The following ATP6V1B1 variants were observed in gnomAD, a reference collection of about 807,000 sequenced individuals.
The protein encoded by ATP6V1B1 is ATPase H+ transporting V1 subunit B1.
Under a neutral mutation model 62.1 loss-of-function variants are expected in ATP6V1B1, and 41 were observed. That is an observed-to-expected ratio of 0.66 (90% CI 0.51 to 0.86). The LOEUF (loss-of-function observed/expected upper bound fraction) is 0.86, where lower values mean the gene tolerates loss of function less well. Ranked by LOEUF, ATP6V1B1 falls within the 40% of genes least tolerant of loss-of-function variation. The probability of loss-of-function intolerance (pLI) is 0.00; values close to 1 mark genes in which losing one functional copy is unlikely to be tolerated. For synonymous variants in ATP6V1B1, 253 were observed against 273.4 expected (o/e 0.93, Z 0.74); for missense variants, 651 against 697.5 (o/e 0.93, Z 0.75).
intron 2 of ATP6V1B1, among the ~76,000 whole-genome samples, chr2:70,956,469 C>CA (rs1553419064): frequency 6.6e-6 from 1 of 152,178 alleles, no homozygotes; most frequent in African/African-American, 2.4e-5. Context: ...AGTTGATGGA[C>CA]ATTGAGTTAT....
intron 2 of ATP6V1B1, chr2:70,944,295 G>C: frequency 1.7e-6 from 2 of 1,161,288 alleles, no homozygotes; most frequent in Non-Finnish European, 2.3e-6. Flanking sequence ...CTGGGAAACT[G>C]GCAGACACTG....
In ATP6V1B1 at chr2:70,951,189, C is replaced by T. The variant is rs182776115; in HGVS notation, c.175-6857C>T. Reference sequence around the variant, plus strand: ...AACTTCTGACCTCAGGTGATCTGCCCGCCTCGGCCTCCCAAAGTGCAGGGA... The same window carrying T: ...AACTTCTGACCTCAGGTGATCTGCCTGCCTCGGCCTCCCAAAGTGCAGGGA... On this transcript the variant is annotated intron_variant, in intron 2 of 13. Coordinates refer to ENST00000234396, the MANE Select transcript of ATP6V1B1 (RefSeq NM_001692.4). 3.4e-3 allele frequency among the ~76,000 whole-genome samples: 510 copies of T among 152,058 alleles called. 4 individuals are homozygous for T. The highest frequency in any genetic ancestry group is 9.5e-3 in the East Asian group (49 of 5,174).
rs113512105 is a variant in ATP6V1B1 at position 70,950,761 on chromosome 2, G to A, written c.174+7048G>A. Among the ~76,000 whole-genome samples, 303 of 151,718 alleles carry A rather than the reference G, an allele frequency of 2.0e-3. 3 individuals are homozygous for A. Among genetic ancestry groups the A allele is most frequent in the African/African-American group, 6.8e-3 (283 of 41,348 alleles). ...TAAAGGGAATTATGTCTCTTTTTCCGTCAGTATACTTTTACTTTACTTTTT... is the reference window on the plus strand; with the variant it reads ...TAAAGGGAATTATGTCTCTTTTTCCATCAGTATACTTTTACTTTACTTTTT... On this transcript the variant is annotated intron_variant, in intron 2 of 13. Transcript: ENST00000234396.
chr2:70,939,075 G>A (rs1679923681), intron 1 of ATP6V1B1, among the ~76,000 whole-genome samples: 1 of 152,258 alleles, frequency 6.6e-6, no homozygotes, highest in African/African-American at 2.4e-5. Context: ...GGGACCTGCT[G>A]CCCCGGGCTT....
intron 7 of ATP6V1B1, 49 bp from the exon 8 acceptor site, chr2:70,961,547 C>G (rs1680587438): frequency 6.3e-7 from 1 of 1,581,122 alleles, no homozygotes. Flanking sequence ...CCAGGCCTTG[C>G]CCTCAGGCCA....
At chr2:70,950,613 G>A (rs1282757858) in intron 2 of ATP6V1B1, among the ~76,000 whole-genome samples, 1 of 151,966 alleles carries the variant, frequency 6.6e-6, no homozygotes, top group African/African-American at 2.4e-5. Context: ...GAAAAAAAAG[G>A]AGGGGGGGAA....
At chr2:70,944,240 T>C (rs1427266052) in intron 2 of ATP6V1B1, 1 of 1,288,454 alleles carries the variant, frequency 7.8e-7, no homozygotes, top group South Asian at 1.2e-5. Flanking sequence ...GTAAGTGAAG[T>C]GGGCCCCACC....
At chr2:70,936,178 A>G in intron 1 of ATP6V1B1, 106 bp downstream of exon 1, 1 of 1,116,112 alleles carries the variant, frequency 9.0e-7, no homozygotes, top group South Asian at 1.4e-5. Flanking sequence ...GGAGGACCCA[A>G]GACCTGGGGA....
rs1553419557 is a variant in ATP6V1B1 at position 70,959,042 on chromosome 2, AGCCC to A, written c.393_396del (p.Pro132LeufsTer31). 6.2e-7 allele frequency: 1 copy of A among 1,614,192 alleles called. No individual in the cohort carries two copies. Among genetic ancestry groups the A allele is most frequent in the Admixed American group, 1.7e-5 (1 of 60,030 alleles). On this transcript the variant is annotated frameshift_variant, in exon 5 of 14. Coordinates refer to ENST00000234396, the MANE Select transcript of ATP6V1B1 (RefSeq NM_001692.4). LOFTEE classifies it high-confidence loss of function. The surrounding 1 kb of genome is among the most constrained non-coding windows in gnomAD (Gnocchi z 4.2). ...GGTCGGGTTTTCAATGGCTCCGGCA[AGCCC>A]ATTGACAAGGGGCCAGTGGTCATGG... is the stretch of plus-strand genomic sequence containing the variant.
At position 70,963,940 on chromosome 2, in the gene ATP6V1B1, A is replaced by G. The variant is rs1680650053; in HGVS notation, c.1143+286A>G. The G allele has an allele frequency of 1.9e-6, 1 of 524,456 alleles. No individual in the cohort carries two copies. Among genetic ancestry groups the G allele is most frequent in the African/African-American group, 1.9e-5 (1 of 52,268 alleles). 32.5% of individuals were successfully genotyped at this position (524,456 alleles called of 1,614,324 possible). ...AATATATCACCCAGACGCATTGTGG[A>G]GGATAAAAATAAGTTGGCATATAGA... is the stretch of plus-strand genomic sequence containing the variant. On this transcript the variant is annotated intron_variant, in intron 11 of 13. Transcript: ENST00000234396. The surrounding 1 kb of genome is among the most constrained non-coding windows in gnomAD (Gnocchi z 4.3).
intron 2 of ATP6V1B1, among the ~76,000 whole-genome samples, chr2:70,951,194 C>T (rs894681373): frequency 6.6e-6 from 1 of 152,068 alleles, no homozygotes; most frequent in Non-Finnish European, 1.5e-5. Context: ...CTGCCCGCCT[C>T]GGCCTCCCAA....
At chr2:70,952,448 G>A (rs1440229435) in intron 2 of ATP6V1B1, among the ~76,000 whole-genome samples, 1 of 149,848 alleles carries the variant, frequency 6.7e-6, no homozygotes, top group Admixed American at 6.6e-5. Flanking sequence ...GGGGGACAGA[G>A]TAAGACTCTG....
Position 70,952,021 on chromosome 2 carries a change from T to C in ATP6V1B1, c.175-6025T>C, listed in dbSNP as rs144134730. On this transcript the variant is annotated intron_variant, in intron 2 of 13. Transcript: ENST00000234396. ...AAACAATGTTAGGTAACAATTATAA[T>C]ATAGGCATCTCTGTTACTGATTTTC... Among the ~76,000 whole-genome samples the C allele has an allele frequency of 3.9e-3, 601 of 152,368 alleles. 1 individual carries two copies. Among genetic ancestry groups the C allele is most frequent in the African/African-American group, 0.014 (572 of 41,584 alleles).
chr2:70,962,914 C>G lies in ATP6V1B1; in HGVS notation c.909+14C>G. ...GCCTTGCGGGAGGTAAGCTGGCTAG[C>G]AAGGGGTGTCAGATTCCTCCCTACC... On this transcript the variant is annotated intron_variant, in intron 9 of 13. Coordinates refer to ENST00000234396, the MANE Select transcript of ATP6V1B1 (RefSeq NM_001692.4). The G allele has an allele frequency of 6.2e-7, 1 of 1,613,740 alleles. No individual in the cohort carries two copies. Among genetic ancestry groups the G allele is most frequent in the African/African-American group, 1.3e-5 (1 of 75,022 alleles).
intron 11 of ATP6V1B1, among the ~76,000 whole-genome samples, 173 bp from the exon 12 acceptor site, chr2:70,964,265 A>G (rs1680661066): frequency 6.6e-6 from 1 of 151,944 alleles, no homozygotes; most frequent in African/African-American, 2.4e-5. Flanking sequence ...GGCCACATAT[A>G]AGACAGCTGA....
intron 1 of ATP6V1B1, among the ~76,000 whole-genome samples, chr2:70,943,172 C>T (rs1680045213): frequency 7.6e-6 from 1 of 132,040 alleles, no homozygotes; most frequent in African/African-American, 2.7e-5. Flanking sequence ...ACGTCTGCAC[C>T]CCCTACACAC....
chr2:70,940,654 A>C (rs1679974450), intron 1 of ATP6V1B1: 4 of 985,276 alleles, frequency 4.1e-6, no homozygotes, highest in Non-Finnish European at 4.8e-6. Context: ...TATGCCCAAC[A>C]GCCCCTTAGC....
rs121964880 is a variant in ATP6V1B1 at position 70,958,113 on chromosome 2, T to C, written c.242T>C (p.Leu81Pro). The C allele has an allele frequency of 5.6e-6, 9 of 1,614,178 alleles. No homozygotes were observed. The highest frequency in any genetic ancestry group is 1.7e-5 in the Admixed American group (1 of 60,020). Reference protein sequence around the residue: ...PDGTQRSGQVLEVAGTKAIVQ... With the variant: ...PDGTQRSGQVPEVAGTKAIVQ... ...GGGACTCAGAGGAGCGGGCAGGTGC[T>C]TGAGGTGGCTGGCACCAAGGCGATT... is the stretch of plus-strand genomic sequence containing the variant. Residue 81 changes from leucine (L) to proline (P), a missense_variant, in exon 3 of 14, where the codon CTT becomes CCT. Physicochemically the swap from Leu to Pro is moderately conservative, Grantham distance 98 (BLOSUM62 -3). Coordinates refer to ENST00000234396, the MANE Select transcript of ATP6V1B1 (RefSeq NM_001692.4).
intron 2 of ATP6V1B1, among the ~76,000 whole-genome samples, chr2:70,955,227 A>G (rs1420879938): frequency 1.3e-5 from 2 of 152,170 alleles, no homozygotes; most frequent in Non-Finnish European, 2.9e-5. Context: ...GACGTGGGAC[A>G]TGATCACGCA....
Sources: allele counts gnomAD v4.1 joint callset (sites outside exome capture counted in the v4.1 genomes callset), GRCh38; gene constraint gnomAD v4.1.1; non-coding constraint Gnocchi (gnomAD v3.1); transcripts MANE v1.5; gene names NCBI Gene and HGNC (gene_info 2026-07-23, HGNC 2026-07-21).